Variants in TNFAIP1 observed in about 807,000 individuals in gnomAD.
TNFAIP1 encodes BTB/POZ domain-containing adapter for CUL3-mediated RhoA degradation protein 2.
A neutral mutation model predicts 32.6 loss-of-function variants in TNFAIP1; 20 were observed. The observed-to-expected ratio is 0.61, with a 90% CI of 0.43 to 0.89. The LOEUF is 0.89. Among genes scored for constraint, TNFAIP1 ranks in the 40% least tolerant of loss-of-function variants. TNFAIP1 has a pLI of 0.00. For missense variants in TNFAIP1, 319 were observed against 425.1 expected, an observed-to-expected ratio of 0.75 and a Z score of 2.20; for synonymous variants, 166 against 166.8, an observed-to-expected ratio of 1.00 and a Z score of 0.04.
At chr17:28,344,086 T>C (rs1379316651) in intron 6 of TNFAIP1, among the ~76,000 whole-genome samples, 1 of 152,162 alleles carries the variant, frequency 6.6e-6, no homozygotes, top group Non-Finnish European at 1.5e-5. Context: ...TAGAGCTGTG[T>C]TGGGACCTAG....
Position 28,341,316 on chromosome 17 carries a change from C to G in TNFAIP1, c.455C>G (p.Ser152Cys), listed in dbSNP as rs782745620. Residue 152 changes from serine to cysteine, a missense_variant, in exon 4 of 7, where the codon TCC becomes TGC. Transcript: ENST00000226225. ...SLKEEERLIE[S>C]STKPVVKLLY... ...AAGGAGGAGGAGCGGCTCATCGAATCCTCCACCAAGGTACCAGGACCTCTG... is the reference window on the plus strand; with the variant it reads ...AAGGAGGAGGAGCGGCTCATCGAATGCTCCACCAAGGTACCAGGACCTCTG... 6 of 1,614,086 alleles carry G rather than the reference C, an allele frequency of 3.7e-6. No homozygotes were observed. The South Asian group carries it at 5.5e-5, about 15-fold the overall frequency.
intron 6 of TNFAIP1, among the ~76,000 whole-genome samples, chr17:28,343,498 C>A (rs1200468554): frequency 2.9e-5 from 4 of 136,504 alleles, no homozygotes. Context: ...GGAAGGCCAA[C>A]TTACAGGTGG....
intron 6 of TNFAIP1, among the ~76,000 whole-genome samples, 194 bp from the exon 7 acceptor site, chr17:28,344,170 C>G (rs733914): frequency 0.54 from 82,359 of 151,892 alleles, 22,533 homozygotes; most frequent in East Asian, 0.72. Context: ...TGTTGGTCTT[C>G]CCTGTCCTCA....
At position 28,346,004 on chromosome 17, in the gene TNFAIP1, T is replaced by C. The variant is rs1408449851; in HGVS notation, c.*1404T>C. On this transcript the variant is annotated 3_prime_UTR_variant, in exon 7 of 7. Transcript: ENST00000226225. Reference sequence around the variant, plus strand: ...AGCCTAACAAAGCAACGTAGCCACGTATAGTACCCACTTTCTGCTCTTTGG... The same window carrying C: ...AGCCTAACAAAGCAACGTAGCCACGCATAGTACCCACTTTCTGCTCTTTGG... The C allele has an allele frequency of 6.6e-6, 1 of 152,218 alleles. No homozygotes were observed. Among genetic ancestry groups the C allele is most frequent in the Non-Finnish European group, 1.5e-5 (1 of 68,040 alleles). The allele number at this position is 152,218 out of a possible 1,614,324, so 9.4% of individuals were successfully genotyped here.
rs201104667 is a variant in TNFAIP1, at chr17:28,340,503, C to T, written c.375+25C>T. On this transcript the variant is annotated intron_variant, in intron 3 of 6. Transcript: ENST00000226225. The surrounding 1 kb of genome is among the most constrained non-coding windows in gnomAD (Gnocchi z 4.1). ...GGTACATGGGTGGGGCGGAGCAGGG[C>T]GGGCAGATGAGGTCAGGAGTTGCCC... 1.1e-5 allele frequency: 17 copies of T among 1,557,472 alleles called. No homozygotes were observed. Among genetic ancestry groups the T allele is most frequent in the Admixed American group, 1.7e-5 (1 of 59,164 alleles).
chr17:28,340,159 C>A lies in TNFAIP1; in HGVS notation c.206-150C>A. On this transcript the variant is annotated intron_variant, in intron 2 of 6. Transcript: ENST00000226225. This position sits in a 1 kb window ranked among gnomAD's most constrained non-coding sequence, Gnocchi z 4.1. ...GCAGCCATGGGCCTGAGTGCTAGAACCTCCATCCCCGCCTCTGTCACCCTG... is the reference window on the plus strand; with the variant it reads ...GCAGCCATGGGCCTGAGTGCTAGAAACTCCATCCCCGCCTCTGTCACCCTG... 1 of 766,448 alleles carries A rather than the reference C, an allele frequency of 1.3e-6. No individual in the cohort carries two copies. Among genetic ancestry groups the A allele is most frequent in the Non-Finnish European group, 2.1e-6 (1 of 471,344 alleles). The allele number at this position is 766,448 out of a possible 1,614,324, so 47.5% of individuals were successfully genotyped here. A position where few individuals can be genotyped will look rare whatever the true frequency, so the allele number is the denominator to read the frequency against.
Position 28,341,205 on chromosome 17 carries a change from C to CT in TNFAIP1, c.376-31dup, listed in dbSNP as rs782272204. 6.8e-6 allele frequency: 11 copies of CT among 1,612,472 alleles called. No homozygotes were observed. In the African/African-American group the frequency reaches 1.3e-4, roughly 20 times the overall value. ...CGATAAGCCTGGGAAGCAGAAGATC[C>CT]TAAAGAGGGTTCTCTGTTCTGTGTC... On this transcript the variant is annotated intron_variant, in intron 3 of 6. Coordinates refer to ENST00000226225, the MANE Select transcript of TNFAIP1 (RefSeq NM_021137.5).
chr17:28,338,611 C>T (rs1555577682), intron 1 of TNFAIP1, among the ~76,000 whole-genome samples: 2 of 139,772 alleles, frequency 1.4e-5, no homozygotes, highest in Non-Finnish European at 3.2e-5. Flanking sequence ...TCAAAATAAA[C>T]ACTGGCACAG....
In TNFAIP1 at chr17:28,344,396, G is replaced by A. The variant is rs782474017; in HGVS notation, c.747G>A (p.Glu249=). 6.2e-7 allele frequency: 1 copy of A among 1,613,852 alleles called. No homozygotes were observed. Among genetic ancestry groups the A allele is most frequent in the Non-Finnish European group, 8.5e-7 (1 of 1,180,010 alleles). Residue 249 remains glutamate (E), a synonymous_variant, in exon 7 of 7, where the codon GAG becomes GAA. Transcript: ENST00000226225. ...VEFPEARIYE[E]TLNVLLYETP... ...TCCCAGAGGCCCGAATCTATGAGGA[G>A]ACACTCAACGTCCTACTCTATGAGA...
rs1311426300 is a variant in TNFAIP1 at position 28,346,618 on chromosome 17, T to C, written c.*2018T>C. On this transcript the variant is annotated 3_prime_UTR_variant, in exon 7 of 7. Transcript: ENST00000226225. ...CTTGGTCTTAAGGAAAATACTAACA[T>C]TGAACTCACTGACATGATCTTAGCT... is the stretch of plus-strand genomic sequence containing the variant. The C allele has an allele frequency of 6.6e-6, 1 of 152,244 alleles. No individual in the cohort carries two copies. The highest frequency in any genetic ancestry group is 2.4e-5 in the African/African-American group (1 of 41,470). 9.4% of individuals were successfully genotyped at this position (152,244 alleles called of 1,614,324 possible).
intron 5 of TNFAIP1, 42 bp downstream of exon 5, chr17:28,341,498 C>G (rs782594918): frequency 6.2e-7 from 1 of 1,609,764 alleles, no homozygotes; most frequent in Non-Finnish European, 8.5e-7. Context: ...GGGCAGCAGA[C>G]CCAAGGAGTA....
chr17:28,341,380 C>A, intron 4 of TNFAIP1, 24 bp from the exon 5 acceptor site: 1 of 1,614,172 alleles, frequency 6.2e-7, no homozygotes, highest in Non-Finnish European at 8.5e-7. Context: ...CTGGCCTGGC[C>A]CCTCACTCTG....
rs1247075579 is a variant in TNFAIP1 at position 28,342,238 on chromosome 17, T to G, written c.519-9T>G. On this transcript the variant is annotated splice_polypyrimidine_tract_variant and intron_variant, in intron 5 of 6. Transcript: ENST00000226225. This position sits in a 1 kb window ranked among gnomAD's most constrained non-coding sequence, Gnocchi z 4.0. ...ACTCCCAGCCGCTTGGCCCTCATGT[T>G]TTTTTCAGCAACTCTGACGACCACC... 14 of 1,574,566 alleles carry G rather than the reference T, an allele frequency of 8.9e-6. No individual in the cohort carries two copies. Among genetic ancestry groups the G allele is most frequent in the Non-Finnish European group, 1.2e-5 (14 of 1,149,338 alleles).
rs1186392635 is a variant in TNFAIP1 at position 28,344,384 on chromosome 17, A to C, written c.735A>C (p.Arg245=). The C allele has an allele frequency of 3.1e-6, 5 of 1,613,410 alleles. No individual in the cohort carries two copies. Among genetic ancestry groups the C allele is most frequent in the East Asian group, 2.2e-5 (1 of 44,878 alleles). The change falls in exon 7 of 7, where the codon CGA becomes CGC. Residue 245 remains arginine, a synonymous_variant. Coordinates refer to ENST00000226225, the MANE Select transcript of TNFAIP1 (RefSeq NM_021137.5). ...CCCAGGTGGAATTCCCAGAGGCCCG[A>C]ATCTATGAGGAGACACTCAACGTCC... is the stretch of plus-strand genomic sequence containing the variant. ...KQTKVEFPEA[R]IYEETLNVLL... is the part of the protein sequence containing the mutation.
intron 1 of TNFAIP1, among the ~76,000 whole-genome samples, chr17:28,337,798 C>A (rs529852761): frequency 1.3e-5 from 2 of 152,226 alleles, no homozygotes; most frequent in Non-Finnish European, 2.9e-5. Flanking sequence ...ATTAGTGCCT[C>A]TCCCTAATCA....
chr17:28,339,165 G>A (rs1359121917), intron 1 of TNFAIP1, among the ~76,000 whole-genome samples: 3 of 151,298 alleles, frequency 2.0e-5, no homozygotes. Context: ...TTGAGCCTGG[G>A]AGGCAAAGGC....
chr17:28,339,600 A>C lies in TNFAIP1; in HGVS notation c.79A>C (p.Asn27His). Residue 27 changes from asparagine (N) to histidine (H), a missense_variant, in exon 2 of 7, where the codon AAC (asparagine) becomes CAC (histidine). Coordinates refer to ENST00000226225, the MANE Select transcript of TNFAIP1 (RefSeq NM_021137.5). ...LSGFKGGGLG[N>H]KYVQLNVGGS... The stretch of plus-strand genomic sequence containing the variant: ...TGGCTTCAAGGGAGGAGGGTTGGGC[A>C]ACAAGTATGTCCAGCTCAACGTGGG... 1 of 1,614,020 alleles carries C rather than the reference A, an allele frequency of 6.2e-7. No homozygotes were observed. The highest frequency in any genetic ancestry group is 8.5e-7 in the Non-Finnish European group (1 of 1,179,984).
Position 28,345,765 on chromosome 17 carries a change from C to CT in TNFAIP1, c.*1166dup, listed in dbSNP as rs1362422410. 4 of 152,310 alleles carry CT rather than the reference C, an allele frequency of 2.6e-5. No homozygotes were observed. Among genetic ancestry groups the CT allele is most frequent in the African/African-American group, 4.8e-5 (2 of 41,454 alleles). 9.4% of individuals were successfully genotyped at this position (152,310 alleles called of 1,614,324 possible). ...ATGGCGGTTCTGCCCAGTGGTGTCTCTGAGCGCGGGATGACAGGAGCAACC... is the reference window on the plus strand; with the variant it reads ...ATGGCGGTTCTGCCCAGTGGTGTCTCTTGAGCGCGGGATGACAGGAGCAACC... On this transcript the variant is annotated 3_prime_UTR_variant, in exon 7 of 7. Coordinates refer to ENST00000226225, the MANE Select transcript of TNFAIP1 (RefSeq NM_021137.5).
chr17:28,341,303 C>T lies in TNFAIP1; in HGVS notation c.442C>T (p.Arg148Trp). Residue 148 changes from arginine (R) to tryptophan (W), a missense_variant, in exon 4 of 7, where the codon CGG becomes TGG. Transcript: ENST00000226225. ...PIITSLKEEE[R>W]LIESSTKPVV... The stretch of plus-strand genomic sequence containing the variant: ...CATCACATCCCTAAAGGAGGAGGAG[C>T]GGCTCATCGAATCCTCCACCAAGGT... 2 of 1,614,188 alleles carry T rather than the reference C, an allele frequency of 1.2e-6. No homozygotes were observed. Among genetic ancestry groups the T allele is most frequent in the South Asian group, 1.1e-5 (1 of 91,082 alleles).
Sources: gnomAD v4.1 joint callset for allele counts (sites outside exome capture counted in the v4.1 genomes callset) on GRCh38, gnomAD v4.1.1 for gene constraint, Gnocchi (gnomAD v3.1) non-coding constraint, MANE v1.5 for transcripts, NCBI Gene and HGNC (gene_info 2026-07-23, HGNC 2026-07-21) for gene names.